Variants in NOVA1 observed in about 807,000 individuals in gnomAD.
NOVA1 encodes the protein NOVA alternative splicing regulator 1.
A neutral mutation model predicts 38.0 loss-of-function variants in NOVA1; 7 were observed. That is an observed-to-expected ratio of 0.18 (90% CI 0.10 to 0.35). The LOEUF is 0.35. Ranked by LOEUF, NOVA1 falls within the 10% of genes least tolerant of loss-of-function variation. The pLI is 1.00. For missense variants in NOVA1, 460 were observed against 616.0 expected (o/e 0.75, Z 2.68); for synonymous variants, 270 against 232.5 (o/e 1.16, Z -1.47).
intron 3 of NOVA1, among the ~76,000 whole-genome samples, chr14:26,478,268 C>A (rs1885150128): frequency 6.6e-6 from 1 of 151,496 alleles, no homozygotes; most frequent in African/African-American, 2.4e-5. Context: ...ATTCATAGAC[C>A]ATTATTTGGT....
intron 4 of NOVA1, among the ~76,000 whole-genome samples, chr14:26,471,175 G>A (rs1489198468): frequency 1.3e-5 from 2 of 151,948 alleles, no homozygotes; most frequent in Non-Finnish European, 2.9e-5. Context: ...TGCATAAAAT[G>A]AAAATCAAAC....
At chr14:26,484,288 T>A (rs1357280631) in intron 2 of NOVA1, among the ~76,000 whole-genome samples, 2 of 150,516 alleles carry the variant, frequency 1.3e-5, no homozygotes, top group Non-Finnish European at 3.0e-5. Flanking sequence ...CAAAAAAAAA[T>A]AGCCGGGCAT....
intron 2 of NOVA1, among the ~76,000 whole-genome samples, chr14:26,557,809 CA>C (rs1434342645): frequency 3.9e-5 from 6 of 152,000 alleles, no homozygotes; most frequent in Non-Finnish European, 8.8e-5. Flanking sequence ...AAAACTTGCA[CA>C]CAAAAGTTTA....
intron 3 of NOVA1, among the ~76,000 whole-genome samples, chr14:26,472,627 T>C (rs1884677234): frequency 6.6e-6 from 1 of 151,948 alleles, no homozygotes; most frequent in South Asian, 2.1e-4. Flanking sequence ...TGATGGTGAC[T>C]GATAAAAATT....
chr14:26,532,859 T>C (rs1187846474), intron 2 of NOVA1, among the ~76,000 whole-genome samples: 1 of 152,200 alleles, frequency 6.6e-6, no homozygotes, highest in Non-Finnish European at 1.5e-5. Context: ...TATTTCATTT[T>C]TCCAAGTGAA....
chr14:26,511,698 G>A (rs1255793476), intron 2 of NOVA1, among the ~76,000 whole-genome samples: 1 of 151,910 alleles, frequency 6.6e-6, no homozygotes, highest in South Asian at 2.1e-4. Context: ...GTTGCACTAA[G>A]CCGAGATAGC....
At position 26,597,672 on chromosome 14, in the gene NOVA1, C is replaced by A; in HGVS notation, c.-236G>T. 8.4e-7 allele frequency: 1 copy of A among 1,189,708 alleles called. No homozygotes were observed. Among genetic ancestry groups the A allele is most frequent in the Non-Finnish European group, 1.0e-6 (1 of 965,504 alleles). The allele number at this position is 1,189,708 out of a possible 1,614,324, so 73.7% of individuals were successfully genotyped here. ...CTGCAGTGCAGTGTCAGAAAGGAGA[C>A]AGGGGAATGGAGGGGGTGTGAGAGA... is the stretch of plus-strand genomic sequence containing the variant. On this transcript the variant is annotated 5_prime_UTR_variant, in exon 1 of 5. Coordinates refer to ENST00000539517, the MANE Select transcript of NOVA1 (RefSeq NM_002515.3).
Position 26,583,793 on chromosome 14 carries a change from TAATA to T in NOVA1, c.280+11613_280+11616del, listed in dbSNP as rs763867628. On this transcript the variant is annotated intron_variant, in intron 2 of 4. Transcript: ENST00000539517. ...AAAAATTACATAACAGAGAATCCAC[TAATA>T]AATAGTAAGTTTTAATTTTCACTGA... 1.7e-3 allele frequency among the ~76,000 whole-genome samples: 250 copies of T among 151,232 alleles called. 1 individual carries two copies. The highest frequency in any genetic ancestry group is 2.8e-3 in the Non-Finnish European group (186 of 67,486).
chr14:26,533,076 A>T (rs1889834887), intron 2 of NOVA1, among the ~76,000 whole-genome samples: 1 of 152,184 alleles, frequency 6.6e-6, no homozygotes, highest in African/African-American at 2.4e-5. Context: ...TCTGTGTAGA[A>T]TATAATAAGT....
intron 2 of NOVA1, among the ~76,000 whole-genome samples, chr14:26,575,837 TA>T (rs1278972796): frequency 6.6e-6 from 1 of 151,860 alleles, no homozygotes; most frequent in Admixed American, 6.6e-5. Flanking sequence ...ATGTGGAAAA[TA>T]AGATAAATGT....
At chr14:26,523,998 G>A (rs1016406854) in intron 2 of NOVA1, among the ~76,000 whole-genome samples, 10 of 151,942 alleles carry the variant, frequency 6.6e-5, no homozygotes, top group East Asian at 5.8e-4. Flanking sequence ...TGATCTGCCC[G>A]CCTTGGCCTC....
intron 2 of NOVA1, among the ~76,000 whole-genome samples, chr14:26,512,925 T>C (rs1321231135): frequency 6.6e-6 from 1 of 152,032 alleles, no homozygotes; most frequent in Non-Finnish European, 1.5e-5. Flanking sequence ...CCTTTCAGGT[T>C]ACTGTTACCT....
chr14:26,554,176 AAAAG>A (rs1466594445), intron 2 of NOVA1, among the ~76,000 whole-genome samples: 1 of 149,972 alleles, frequency 6.7e-6, no homozygotes, highest in South Asian at 2.1e-4. Context: ...AAAAGGAAGA[AAAAG>A]AAAGAAGGAA....
intron 1 of NOVA1, chr14:26,596,514 G>C (rs768804314): frequency 6.4e-5 from 81 of 1,270,160 alleles, no homozygotes; most frequent in Non-Finnish European, 7.8e-5. Context: ...CAAATGTTGT[G>C]GTGTGCCACT....
At chr14:26,463,145 C>T (rs912544237) in intron 4 of NOVA1, among the ~76,000 whole-genome samples, 1 of 152,154 alleles carries the variant, frequency 6.6e-6, no homozygotes, top group Non-Finnish European at 1.5e-5. Flanking sequence ...TTTATTTAAT[C>T]ACTCTCCTGT....
At chr14:26,477,892 A>G (rs1308366837) in intron 3 of NOVA1, among the ~76,000 whole-genome samples, 5 of 151,984 alleles carry the variant, frequency 3.3e-5, no homozygotes. Context: ...CAACTTTTAT[A>G]ATATAAAGAA....
chr14:26,597,739 A>T lies in NOVA1; in HGVS notation c.-303T>A. The T allele has an allele frequency of 1.0e-6, 1 of 1,000,636 alleles. No individual in the cohort carries two copies. 62.0% of individuals were successfully genotyped at this position (1,000,636 alleles called of 1,614,324 possible). A position where few individuals can be genotyped will look rare whatever the true frequency, so the allele number is the denominator to read the frequency against. ...AAGAAGAAAGGAGACAGGGGGAGAG[A>T]GTGGAGAAGGGAGAGGGGCGAGTGA... On this transcript the variant is annotated 5_prime_UTR_variant, in exon 1 of 5. Transcript: ENST00000539517.
In NOVA1 at chr14:26,564,438, G is replaced by C. The variant is rs1217186197; in HGVS notation, c.280+30972C>G. 3.3e-5 allele frequency among the ~76,000 whole-genome samples: 5 copies of C among 152,224 alleles called. No homozygotes were observed. The East Asian group carries it at 9.7e-4, about 29-fold the overall frequency. ...AGCACAGGTTAACTGGCTTGCTGGAGTTCATGTGGATACTAAGGGGCAGAA... is the reference window on the plus strand; with the variant it reads ...AGCACAGGTTAACTGGCTTGCTGGACTTCATGTGGATACTAAGGGGCAGAA... On this transcript the variant is annotated intron_variant, in intron 2 of 4. Transcript: ENST00000539517.
At chr14:26,588,334 C>G (rs532801132) in intron 2 of NOVA1, 3 of 151,322 alleles carry the variant, frequency 2.0e-5, no homozygotes, top group Admixed American at 1.3e-4. Context: ...TTAAATATAA[C>G]CTATTGAATA....
Sources: gnomAD v4.1 joint callset for allele counts (sites outside exome capture counted in the v4.1 genomes callset) on GRCh38, gnomAD v4.1.1 for gene constraint, MANE v1.5 for transcripts, NCBI Gene and HGNC (gene_info 2026-07-23, HGNC 2026-07-21) for gene names.